The following TENM3 variants were observed in gnomAD, a reference collection of about 807,000 sequenced individuals.
TENM3 encodes the protein teneurin transmembrane protein 3.
TENM3 carries 63 observed loss-of-function variants against 255.1 expected under a neutral mutation model. The ratio of observed to expected loss-of-function variants is 0.25; its 90% CI spans 0.20 to 0.30. TENM3 has a LOEUF of 0.30. TENM3 is among the 10% of genes least tolerant of loss of function. The pLI is 1.00. For synonymous variants in TENM3, 1,306 were observed against 1,322.3 expected (o/e 0.99, Z 0.27); for missense variants, 2,929 against 3,461.1 (o/e 0.85, Z 3.86).
the TENM3 span, among the ~76,000 whole-genome samples, chr4:182,071,379 G>T: frequency 6.6e-6 from 1 of 151,706 alleles, no homozygotes; most frequent in African/African-American, 2.4e-5. Context: ...GATTCAAAGT[G>T]TGCTTAGTTC....
At chr4:181,810,052 A>G in the TENM3 span, among the ~76,000 whole-genome samples, 1 of 152,138 alleles carries the variant, frequency 6.6e-6, no homozygotes, top group Non-Finnish European at 1.5e-5. Flanking sequence ...GCAATAAAAA[A>G]CTAATGCAAA....
chr4:182,190,075 C>T (rs923425503), intron 1 of TENM3: 1 of 152,096 alleles, frequency 6.6e-6, no homozygotes, highest in Non-Finnish European at 1.5e-5. Flanking sequence ...GAGTTCTTTC[C>T]TACACTGTCT....
the TENM3 span, among the ~76,000 whole-genome samples, chr4:182,138,393 A>C: frequency 6.6e-6 from 1 of 152,306 alleles, no homozygotes; most frequent in South Asian, 2.1e-4. Flanking sequence ...TTAATGTCGA[A>C]AATCCTCAAA....
intron 1 of TENM3, among the ~76,000 whole-genome samples, chr4:182,263,673 C>A (rs747540583): frequency 6.6e-6 from 1 of 152,118 alleles, no homozygotes; most frequent in Non-Finnish European, 1.5e-5. Context: ...CCTCTGGCCT[C>A]CCTGAGCATT....
chr4:182,191,563 A>AT (rs1002575225), intron 1 of TENM3, among the ~76,000 whole-genome samples: 16 of 151,690 alleles, frequency 1.1e-4, no homozygotes, highest in East Asian at 5.8e-4. Flanking sequence ...TTTATCTAGA[A>AT]TTTTTTTTTG....
chr4:181,781,488 A>C, the TENM3 span, among the ~76,000 whole-genome samples: 1 of 152,164 alleles, frequency 6.6e-6, no homozygotes, highest in Admixed American at 6.5e-5. Flanking sequence ...GACTTTGCTG[A>C]AGTTGCTTAT....
the TENM3 span, among the ~76,000 whole-genome samples, chr4:182,128,624 G>A: frequency 3.3e-5 from 5 of 151,816 alleles, no homozygotes; most frequent in South Asian, 2.1e-4. Context: ...TCTTTTCTTC[G>A]TGTCCCTAAA....
At chr4:182,277,344 T>TG (rs1312306264) in intron 1 of TENM3, among the ~76,000 whole-genome samples, 8 of 150,676 alleles carry the variant, frequency 5.3e-5, no homozygotes, top group South Asian at 2.1e-4. Flanking sequence ...GAGGTAGAGT[T>TG]GGGGGGTGGG....
the TENM3 span, among the ~76,000 whole-genome samples, chr4:182,104,742 G>A: frequency 2.1e-4 from 32 of 152,152 alleles, no homozygotes; most frequent in Admixed American, 2.1e-3. Flanking sequence ...TTGAACTCCT[G>A]ACCTCAGGTG....
At chr4:181,857,799 C>T in the TENM3 span, among the ~76,000 whole-genome samples, 18 of 151,518 alleles carry the variant, frequency 1.2e-4, no homozygotes, top group Admixed American at 1.2e-3. Flanking sequence ...GATTTTTATG[C>T]AGGTGTAATG....
chr4:182,189,195 T>C (rs1753353284), intron 1 of TENM3, among the ~76,000 whole-genome samples: 1 of 152,140 alleles, frequency 6.6e-6, no homozygotes, highest in Admixed American at 6.5e-5. Flanking sequence ...ACAGGTGACT[T>C]TGATGTGTGA....
the TENM3 span, among the ~76,000 whole-genome samples, chr4:181,916,894 G>A: frequency 6.6e-6 from 1 of 151,952 alleles, no homozygotes; most frequent in African/African-American, 2.4e-5. Context: ...ACAAAAAAAA[G>A]GTAGAAGCAG....
chr4:181,619,631 G>T, the TENM3 span, among the ~76,000 whole-genome samples: 4 of 151,908 alleles, frequency 2.6e-5, no homozygotes, highest in African/African-American at 9.7e-5. Context: ...GTCTCACCAT[G>T]TTGCTCAGGC....
intron 3 of TENM3, among the ~76,000 whole-genome samples, chr4:182,453,820 T>C (rs961938728): frequency 6.6e-6 from 1 of 152,224 alleles, no homozygotes; most frequent in Non-Finnish European, 1.5e-5. Flanking sequence ...TTAACATTGT[T>C]AACCTTTTAT....
At chr4:182,781,945 T>G (rs1227280858) in intron 24 of TENM3, among the ~76,000 whole-genome samples, 1 of 148,648 alleles carries the variant, frequency 6.7e-6, no homozygotes, top group African/African-American at 2.5e-5. Context: ...TCTTCTCTCT[T>G]TTTTTCTTTA....
At chr4:181,904,254 AC>A in the TENM3 span, among the ~76,000 whole-genome samples, 1 of 151,404 alleles carries the variant, frequency 6.6e-6, no homozygotes, top group African/African-American at 2.4e-5. Context: ...AGGATCTAAC[AC>A]CCCCCTGACT....
chr4:181,976,023 G>A, the TENM3 span: 1 of 152,156 alleles, frequency 6.6e-6, no homozygotes, highest in Non-Finnish European at 1.5e-5. Context: ...TGTTCACAAT[G>A]TCTTCTCTCT....
the TENM3 span, among the ~76,000 whole-genome samples, chr4:181,897,428 T>A: frequency 6.6e-6 from 1 of 152,208 alleles, no homozygotes; most frequent in Non-Finnish European, 1.5e-5. Flanking sequence ...CAGGAATACA[T>A]TTACAAGTGA....
At chr4:182,315,955 T>C (rs1172835104) in intron 1 of TENM3, among the ~76,000 whole-genome samples, 1 of 152,206 alleles carries the variant, frequency 6.6e-6, no homozygotes, top group African/African-American at 2.4e-5. Context: ...TTTTTATATA[T>C]GCCATGTCTC....
Sources: gnomAD v4.1 joint callset for allele counts (sites outside exome capture counted in the v4.1 genomes callset) on GRCh38, gnomAD v4.1.1 for gene constraint, MANE v1.5 for transcripts, NCBI Gene and HGNC (gene_info 2026-07-23, HGNC 2026-07-21) for gene names.